Variants in MSANTD2 observed in about 807,000 individuals in gnomAD.
MSANTD2 encodes the protein Myb/SANT DNA binding domain containing 2.
A neutral mutation model predicts 52.6 loss-of-function variants in MSANTD2; 19 were observed. That is an observed-to-expected ratio of 0.36 (90% confidence interval 0.25 to 0.53). The LOEUF (loss-of-function observed/expected upper bound fraction) is 0.53, where lower values mean the gene tolerates loss of function less well. Among genes scored for constraint, MSANTD2 ranks in the 20% least tolerant of loss-of-function variants. The pLI is 0.91. For synonymous variants in MSANTD2, 291 were observed against 289.7 expected, an observed-to-expected ratio of 1.00 and a Z score of -0.04; for missense variants, 558 against 716.3, an observed-to-expected ratio of 0.78 and a Z score of 2.52.
chr11:124,776,741 A>G (rs978929621), intron 1 of MSANTD2, among the ~76,000 whole-genome samples: 2 of 152,262 alleles, frequency 1.3e-5, no homozygotes, highest in African/African-American at 4.8e-5. Context: ...TTCCTCACAC[A>G]AAAACAGAGC....
Position 124,767,092 on chromosome 11 carries a change from C to T in MSANTD2, c.*84G>A, listed in dbSNP as rs1216539898. On this transcript the variant is annotated 3_prime_UTR_variant, in exon 4 of 4. Transcript: ENST00000374979. The surrounding 1 kb of genome is among the most constrained non-coding windows in gnomAD (Gnocchi z 6.5). Reference sequence around the variant, plus strand: ...GTTTCCATGAAGAGTCTGACGGCGGCATCTGGATGAGGGGTGGTCCGGGTA... The same window carrying T: ...GTTTCCATGAAGAGTCTGACGGCGGTATCTGGATGAGGGGTGGTCCGGGTA... 6.7e-6 allele frequency: 9 copies of T among 1,338,684 alleles called. No homozygotes were observed. The African/African-American group carries it at 1.3e-4, about 20-fold the overall frequency. 82.9% of individuals were successfully genotyped at this position (1,338,684 alleles called of 1,614,324 possible). A position where few individuals can be genotyped will look rare whatever the true frequency, so the allele number is the denominator to read the frequency against.
intron 1 of MSANTD2, among the ~76,000 whole-genome samples, chr11:124,785,694 G>A (rs891153916): frequency 1.3e-5 from 2 of 151,224 alleles, no homozygotes; most frequent in Non-Finnish European, 2.9e-5. Flanking sequence ...CCAGACAGCT[G>A]GGGGGGGACT....
intron 1 of MSANTD2, among the ~76,000 whole-genome samples, chr11:124,776,437 A>G (rs1453449795): frequency 6.6e-6 from 1 of 152,244 alleles, no homozygotes; most frequent in East Asian, 1.9e-4. Flanking sequence ...AGCTGGGATT[A>G]CAGGCATGCG....
intron 1 of MSANTD2, chr11:124,784,244 T>C (rs1945084745): frequency 1.0e-6 from 1 of 985,312 alleles, no homozygotes. Context: ...CTGAAGTTGC[T>C]AAGTCAGCAC....
chr11:124,785,255 A>G (rs1187945554), intron 1 of MSANTD2, among the ~76,000 whole-genome samples: 2 of 152,222 alleles, frequency 1.3e-5, no homozygotes, highest in Non-Finnish European at 2.9e-5. Context: ...CATAGCTACC[A>G]TTTCCTGAGT....
chr11:124,769,045 CACTT>C (rs1944405889), intron 3 of MSANTD2, among the ~76,000 whole-genome samples: 1 of 152,334 alleles, frequency 6.6e-6, no homozygotes, highest in Non-Finnish European at 1.5e-5. Context: ...TCAACTACCA[CACTT>C]ACATACAATC....
chr11:124,777,354 T>C (rs1944783503), intron 1 of MSANTD2, among the ~76,000 whole-genome samples: 2 of 152,228 alleles, frequency 1.3e-5, no homozygotes, highest in Non-Finnish European at 2.9e-5. Context: ...CTGACGGTTA[T>C]TTCGGAAGTC....
chr11:124,780,213 C>A (rs924201944), intron 1 of MSANTD2, among the ~76,000 whole-genome samples: 5 of 152,160 alleles, frequency 3.3e-5, no homozygotes, highest in African/African-American at 1.2e-4. Context: ...GCATAAATTT[C>A]TATGTACATC....
At chr11:124,781,794 A>C (rs1201233346) in intron 1 of MSANTD2, among the ~76,000 whole-genome samples, 2 of 151,998 alleles carry the variant, frequency 1.3e-5, no homozygotes, top group Non-Finnish European at 2.9e-5. Context: ...CTGGGACTAC[A>C]GGCACCCACC....
chr11:124,775,409 C>A, intron 1 of MSANTD2: 1 of 156,248 alleles, frequency 6.4e-6, no homozygotes, highest in Admixed American at 5.9e-5. Flanking sequence ...GAAGAATTTC[C>A]CAAAGCAAAG....
chr11:124,768,876 G>A (rs1381237188), intron 3 of MSANTD2, among the ~76,000 whole-genome samples: 1 of 152,138 alleles, frequency 6.6e-6, no homozygotes, highest in Non-Finnish European at 1.5e-5. Flanking sequence ...TATTTCACGG[G>A]CTGCTTAAAT....
chr11:124,787,082 A>G (rs747245043), intron 1 of MSANTD2, among the ~76,000 whole-genome samples: 1 of 152,220 alleles, frequency 6.6e-6, no homozygotes, highest in Non-Finnish European at 1.5e-5. Context: ...ACAGCATTTA[A>G]AAGTGTCTGC....
intron 1 of MSANTD2, among the ~76,000 whole-genome samples, chr11:124,793,178 T>C (rs1347127979): frequency 1.3e-5 from 2 of 152,222 alleles, no homozygotes; most frequent in Non-Finnish European, 2.9e-5. Flanking sequence ...AAAAACAATA[T>C]AGGCCAGTGA....
chr11:124,780,614 T>C (rs957218133), intron 1 of MSANTD2, among the ~76,000 whole-genome samples: 4 of 152,206 alleles, frequency 2.6e-5, no homozygotes, highest in African/African-American at 9.6e-5. Flanking sequence ...CTGGACTCAC[T>C]AAAGAACCCA....
At chr11:124,798,260 ATT>A (rs1040420120) in intron 1 of MSANTD2, among the ~76,000 whole-genome samples, 3 of 144,716 alleles carry the variant, frequency 2.1e-5, no homozygotes, top group African/African-American at 7.8e-5. Context: ...AAAAAAAAAA[ATT>A]TAATGAGCCA....
In MSANTD2 at chr11:124,791,750, A is replaced by G; in HGVS notation, c.510+8121T>C. ...AGAGACTGGGGTGAAAAGGGGAGCCAATGCTGACAAGCACTGGGGAGGAGG... is the reference window on the plus strand; with the variant it reads ...AGAGACTGGGGTGAAAAGGGGAGCCGATGCTGACAAGCACTGGGGAGGAGG... On this transcript the variant is annotated intron_variant, in intron 1 of 3. Transcript: ENST00000374979. 5.7e-6 allele frequency: 4 copies of G among 695,780 alleles called. No homozygotes were observed. The South Asian group carries it at 6.4e-5, about 11-fold the overall frequency. 43.1% of individuals were successfully genotyped at this position (695,780 alleles called of 1,614,324 possible).
rs761578743 is a variant in MSANTD2 at position 124,767,534 on chromosome 11, T to C, written c.1322A>G (p.Gln441Arg). The C allele has an allele frequency of 5.6e-6, 9 of 1,614,078 alleles. No individual in the cohort carries two copies. The highest frequency in any genetic ancestry group is 3.3e-5 in the Admixed American group (2 of 60,010). Residue 441 changes from glutamine to arginine, a missense_variant, in exon 4 of 4, where the codon CAA becomes CGA. Coordinates refer to ENST00000374979, the MANE Select transcript of MSANTD2 (RefSeq NM_001308027.2). The surrounding 1 kb of genome is among the most constrained non-coding windows in gnomAD (Gnocchi z 6.5). The stretch of plus-strand genomic sequence containing the variant: ...CTCTTTTCCTGGGTCCAGGGAACTT[T>C]GCTCCATGTGTGGTGAGAGGGGCCT... ...IERPLSPHMEQSSLDPGKEGR... is the reference protein window; with the variant it reads ...IERPLSPHMERSSLDPGKEGR...
chr11:124,780,734 A>C (rs1944930400), intron 1 of MSANTD2, among the ~76,000 whole-genome samples: 2 of 152,324 alleles, frequency 1.3e-5, no homozygotes, highest in Middle Eastern at 3.4e-3. Context: ...TGTATCTTAG[A>C]TTTTATAGGA....
At chr11:124,777,945 T>C (rs955419106) in intron 1 of MSANTD2, among the ~76,000 whole-genome samples, 1 of 152,084 alleles carries the variant, frequency 6.6e-6, no homozygotes, top group Non-Finnish European at 1.5e-5. Context: ...TGACTGGTAC[T>C]GTAAGAAGCA....
Sources: gnomAD v4.1 joint callset for allele counts (sites outside exome capture counted in the v4.1 genomes callset) on GRCh38, gnomAD v4.1.1 for gene constraint, Gnocchi (gnomAD v3.1) non-coding constraint, MANE v1.5 for transcripts, NCBI Gene and HGNC (gene_info 2026-07-23, HGNC 2026-07-21) for gene names.